DENND1A: variants seen among roughly 807,000 people sequenced by gnomAD.
The protein encoded by DENND1A is DENN domain containing 1A.
In DENND1A, 51 loss-of-function variants were observed where a neutral mutation model predicts 113.7. The ratio of observed to expected loss-of-function variants is 0.45; its 90% CI spans 0.36 to 0.57. The LOEUF is 0.57. DENND1A is among the 20% of genes least tolerant of loss of function. The probability of loss-of-function intolerance (pLI) is 0.00; values close to 1 mark genes in which losing one functional copy is unlikely to be tolerated. For missense variants in DENND1A, 1,258 were observed against 1,395.9 expected (o/e 0.90, Z 1.57); for synonymous variants, 565 against 570.8 (o/e 0.99, Z 0.14).
At chr9:123,905,172 C>T (rs1728953513) in intron 1 of DENND1A, among the ~76,000 whole-genome samples, 1 of 151,664 alleles carries the variant, frequency 6.6e-6, no homozygotes, top group South Asian at 2.1e-4. Context: ...GATTTTGTCA[C>T]CACCAGGCCT....
intron 5 of DENND1A, among the ~76,000 whole-genome samples, chr9:123,704,265 G>C (rs2066049937): frequency 6.6e-6 from 1 of 152,154 alleles, no homozygotes; most frequent in African/African-American, 2.4e-5. Flanking sequence ...GGAGACACAG[G>C]TCAGAGGTGA....
At chr9:123,854,981 A>C (rs117553023) in intron 2 of DENND1A, among the ~76,000 whole-genome samples, 1,981 of 151,348 alleles carry the variant, frequency 0.013, 37 homozygotes, top group Non-Finnish European at 0.016. Flanking sequence ...AAACAAGATA[A>C]GTCCCTGGAG....
At chr9:123,853,385 C>T (rs1843668276) in intron 2 of DENND1A, among the ~76,000 whole-genome samples, 1 of 150,864 alleles carries the variant, frequency 6.6e-6, no homozygotes, top group Non-Finnish European at 1.5e-5. Context: ...AGCTCTAGGC[C>T]GGGCGTGGTG....
chr9:123,694,118 G>A (rs969878053), intron 5 of DENND1A, among the ~76,000 whole-genome samples: 1 of 152,028 alleles, frequency 6.6e-6, no homozygotes, highest in African/African-American at 2.4e-5. Flanking sequence ...ACAGGCGTGA[G>A]CCACTGCACC....
intron 5 of DENND1A, among the ~76,000 whole-genome samples, chr9:123,753,658 C>T (rs2070265306): frequency 6.6e-6 from 1 of 152,136 alleles, no homozygotes; most frequent in South Asian, 2.1e-4. Flanking sequence ...GTCTCTGATC[C>T]CAATGCACAC....
intron 1 of DENND1A, among the ~76,000 whole-genome samples, chr9:123,921,426 C>CTGGCTG (rs1564511701): frequency 2.0e-5 from 3 of 152,194 alleles, no homozygotes; most frequent in Non-Finnish European, 4.4e-5. Flanking sequence ...TCTCACACCC[C>CTGGCTG]GGAGTTCAAG....
intron 11 of DENND1A, among the ~76,000 whole-genome samples, chr9:123,597,121 A>G (rs1006914452): frequency 4.6e-5 from 7 of 152,192 alleles, no homozygotes; most frequent in Non-Finnish European, 8.8e-5. Context: ...GCCACTTGCC[A>G]TCATTCATTC....
intron 2 of DENND1A, among the ~76,000 whole-genome samples, chr9:123,824,779 TA>T (rs764462023): frequency 5.2e-4 from 79 of 152,232 alleles, no homozygotes; most frequent in Non-Finnish European, 9.9e-4. Flanking sequence ...GATTAGAAAA[TA>T]AAATAAAACC....
intron 1 of DENND1A, among the ~76,000 whole-genome samples, chr9:123,907,372 G>T (rs1853057154): frequency 6.6e-6 from 1 of 151,920 alleles, no homozygotes; most frequent in South Asian, 2.1e-4. Flanking sequence ...AATTAGGCAG[G>T]AGAAGGAAAT....
Position 123,849,241 on chromosome 9 carries a change from T to C in DENND1A, c.88+29710A>G, listed in dbSNP as rs571239646. Among the ~76,000 whole-genome samples, 10 of 152,364 alleles carry C rather than the reference T, an allele frequency of 6.6e-5. No homozygotes were observed. The South Asian group carries it at 2.1e-3, about 32-fold the overall frequency. Reference sequence around the variant, plus strand: ...GGATGAATCTTTTGTTAGGAGCTAATGCAGCTGGTGACTTTAAATTCAAAC... The same window carrying C: ...GGATGAATCTTTTGTTAGGAGCTAACGCAGCTGGTGACTTTAAATTCAAAC... On this transcript the variant is annotated intron_variant, in intron 2 of 23. Coordinates refer to ENST00000394215, the MANE Select transcript of DENND1A (RefSeq NM_001352964.2).
intron 13 of DENND1A, among the ~76,000 whole-genome samples, chr9:123,541,946 C>T (rs1251854366): frequency 6.6e-6 from 1 of 152,232 alleles, no homozygotes; most frequent in Non-Finnish European, 1.5e-5. Flanking sequence ...CTTCCTTAGC[C>T]AGTACCAAAC....
chr9:123,805,170 A>C (rs1835327957), intron 2 of DENND1A, among the ~76,000 whole-genome samples: 1 of 152,080 alleles, frequency 6.6e-6, no homozygotes, highest in Non-Finnish European at 1.5e-5. Context: ...TAATCACCTT[A>C]TTTAAATTTA....
intron 9 of DENND1A, among the ~76,000 whole-genome samples, chr9:123,630,923 C>G (rs1399465584): frequency 2.0e-5 from 3 of 152,120 alleles, no homozygotes; most frequent in Admixed American, 1.3e-4. Context: ...TTTAAAGGCA[C>G]AAATCCAGAA....
At chr9:123,398,695 G>C (rs1278634627) in intron 21 of DENND1A, among the ~76,000 whole-genome samples, 1 of 150,792 alleles carries the variant, frequency 6.6e-6, no homozygotes, top group Admixed American at 6.6e-5. Flanking sequence ...CTCTTTCTAA[G>C]CACCCAGTTG....
At chr9:123,877,030 C>T (rs1847577078) in intron 2 of DENND1A, among the ~76,000 whole-genome samples, 1 of 152,062 alleles carries the variant, frequency 6.6e-6, no homozygotes, top group African/African-American at 2.4e-5. Flanking sequence ...GAATAATAGG[C>T]ACTGGAGACT....
At chr9:123,432,383 C>T (rs569795481) in intron 19 of DENND1A, among the ~76,000 whole-genome samples, 40 of 152,294 alleles carry the variant, frequency 2.6e-4, no homozygotes, top group Non-Finnish European at 3.5e-4. Context: ...CTGAGAAATG[C>T]ACCACCAATT....
intron 1 of DENND1A, among the ~76,000 whole-genome samples, chr9:123,925,127 T>C (rs932274657): frequency 6.6e-6 from 1 of 152,198 alleles, no homozygotes. Context: ...GTATGCACCG[T>C]GAGGAGTGAA....
chr9:123,538,528 G>C (rs1042836954), intron 13 of DENND1A, among the ~76,000 whole-genome samples: 2 of 151,914 alleles, frequency 1.3e-5, no homozygotes, highest in Admixed American at 6.6e-5. Context: ...TGTAATATCA[G>C]ATAGCAAGAG....
At chr9:123,593,264 G>T (rs1379954279) in intron 11 of DENND1A, among the ~76,000 whole-genome samples, 1 of 152,180 alleles carries the variant, frequency 6.6e-6, no homozygotes, top group African/African-American at 2.4e-5. Context: ...TTTAATCCTA[G>T]CTGAACCTCA....
Sources: allele counts gnomAD v4.1 joint callset (sites outside exome capture counted in the v4.1 genomes callset), GRCh38; gene constraint gnomAD v4.1.1; transcripts MANE v1.5; gene names NCBI Gene and HGNC (gene_info 2026-07-23, HGNC 2026-07-21).